Variants in DGKD observed in about 807,000 individuals in gnomAD.
The protein encoded by DGKD is diacylglycerol kinase delta.
In DGKD, 68 loss-of-function variants were observed where a neutral mutation model predicts 154.4. That is an observed-to-expected ratio of 0.44 (90% CI 0.36 to 0.54). The LOEUF is 0.54. Among genes scored for constraint, DGKD ranks in the 20% least tolerant of loss-of-function variants. The pLI, the probability that DGKD is intolerant of heterozygous loss-of-function variation, is 0.00. For synonymous variants in DGKD, 693 were observed against 638.0 expected (o/e 1.09, Z -1.30); for missense variants, 1,343 against 1,593.6 (o/e 0.84, Z 2.68).
At chr2:233,417,476 C>A (rs770349826) in intron 3 of DGKD, among the ~76,000 whole-genome samples, 3 of 152,056 alleles carry the variant, frequency 2.0e-5, no homozygotes, top group Non-Finnish European at 2.9e-5. Flanking sequence ...AGTGGCCTGC[C>A]CCAGCTTACC....
intron 1 of DGKD, among the ~76,000 whole-genome samples, chr2:233,387,400 G>A (rs1217070591): frequency 6.6e-6 from 1 of 152,162 alleles, no homozygotes; most frequent in East Asian, 1.9e-4. Flanking sequence ...AACGCCGAGA[G>A]CCAGGTTCTT....
At chr2:233,381,761 G>A (rs1702916481) in intron 1 of DGKD, among the ~76,000 whole-genome samples, 1 of 152,194 alleles carries the variant, frequency 6.6e-6, no homozygotes, top group Non-Finnish European at 1.5e-5. Context: ...AATTGGAGAG[G>A]CCTGGGATTT....
At chr2:233,362,620 C>A (rs1223405204) in intron 1 of DGKD, among the ~76,000 whole-genome samples, 1 of 152,130 alleles carries the variant, frequency 6.6e-6, no homozygotes, top group Non-Finnish European at 1.5e-5. Flanking sequence ...CATTACACTA[C>A]AGCCTGGGCG....
chr2:233,354,551 TC>T lies in DGKD; in HGVS notation c.38del (p.Pro13ArgfsTer48), dbSNP rs2125362594. On this transcript the variant is annotated frameshift_variant, in exon 1 of 30. Transcript: ENST00000264057. LOFTEE classifies it high-confidence loss of function. The surrounding 1 kb of genome is among the most constrained non-coding windows in gnomAD (Gnocchi z 4.8). The stretch of plus-strand genomic sequence containing the variant: ...CGGCGGCGGGCGCCCCTCCGCCGGG[TC>T]CCCCGCAACCGCCTCCGCCGCCGCC... Reference protein sequence around the residue: ...AAAAGAPPPGPPQPPPPPPPE... With the variant: ...AAAAGAPPPGXPQPPPPPPPE... 2 of 1,015,734 alleles carry T rather than the reference TC, an allele frequency of 2.0e-6. No individual in the cohort carries two copies. Among genetic ancestry groups the T allele is most frequent in the Non-Finnish European group, 2.4e-6 (2 of 850,592 alleles). The allele number at this position is 1,015,734 out of a possible 1,614,324, so 62.9% of individuals were successfully genotyped here.
rs1420089006 is a variant in DGKD, at chr2:233,441,974, C to T, written c.1173C>T (p.Asp391=). 2 of 1,614,124 alleles carry T rather than the reference C, an allele frequency of 1.2e-6. No individual in the cohort carries two copies. Among genetic ancestry groups the T allele is most frequent in the South Asian group, 2.2e-5 (2 of 91,084 alleles). ...GSVGWVLSEI[D]SLNLHKQCQL... ...TTGGCTGGGTCCTCTCCGAAATCGACAGCCTCAACCTTCATAAACAGGTAC... is the reference window on the plus strand; with the variant it reads ...TTGGCTGGGTCCTCTCCGAAATCGATAGCCTCAACCTTCATAAACAGGTAC... Residue 391 remains aspartate (D), a synonymous_variant, in exon 10 of 30, where the codon GAC becomes GAT. Transcript: ENST00000264057. This position sits in a 1 kb window ranked among gnomAD's most constrained non-coding sequence, Gnocchi z 5.6.
At chr2:233,386,135 T>G in intron 1 of DGKD, 1 of 323,052 alleles carries the variant, frequency 3.1e-6, no homozygotes, top group Non-Finnish European at 6.2e-6. Flanking sequence ...ATAACTTTTC[T>G]GGGTTTTGGG....
At chr2:233,429,095 C>T (rs2062418089) in intron 3 of DGKD, 1 of 981,998 alleles carries the variant, frequency 1.0e-6, no homozygotes, top group Non-Finnish European at 1.2e-6. Context: ...AATTCTAGTA[C>T]ACCCTCTCCT....
chr2:233,372,535 T>C (rs893293666), intron 1 of DGKD, among the ~76,000 whole-genome samples: 1 of 152,178 alleles, frequency 6.6e-6, no homozygotes, highest in Non-Finnish European at 1.5e-5. Flanking sequence ...TGCTGAACAT[T>C]TTTGTGTGCT....
intron 1 of DGKD, among the ~76,000 whole-genome samples, chr2:233,387,513 G>A (rs1187660504): frequency 6.6e-6 from 1 of 152,198 alleles, no homozygotes; most frequent in Non-Finnish European, 1.5e-5. Context: ...ATGTTTTGGT[G>A]GCATGGGCTG....
intron 3 of DGKD, among the ~76,000 whole-genome samples, chr2:233,420,243 G>A (rs375009859): frequency 6.6e-5 from 10 of 152,202 alleles, no homozygotes; most frequent in African/African-American, 2.4e-4. Context: ...GTTTCAGGCT[G>A]ACCTGTTAAC....
chr2:233,441,818 G>C lies in DGKD; in HGVS notation c.1086-69G>C. The C allele has an allele frequency of 6.7e-7, 1 of 1,483,242 alleles. No homozygotes were observed. Among genetic ancestry groups the C allele is most frequent in the South Asian group, 1.2e-5 (1 of 80,884 alleles). 91.9% of individuals were successfully genotyped at this position (1,483,242 alleles called of 1,614,324 possible). A position where few individuals can be genotyped will look rare whatever the true frequency, so the allele number is the denominator to read the frequency against. The stretch of plus-strand genomic sequence containing the variant: ...GGAGCACAGGTGGCCCCTCAGCCCC[G>C]TACTGACAAGCCTGTCATTTGTCCT... On this transcript the variant is annotated intron_variant, in intron 9 of 29. Transcript: ENST00000264057. This position sits in a 1 kb window ranked among gnomAD's most constrained non-coding sequence, Gnocchi z 5.6.
Position 233,467,170 on chromosome 2 carries a change from A to G in DGKD, c.3391A>G (p.Asn1131Asp). 6.2e-7 allele frequency: 1 copy of G among 1,614,022 alleles called. No individual in the cohort carries two copies. Among genetic ancestry groups the G allele is most frequent in the Non-Finnish European group, 8.5e-7 (1 of 1,180,004 alleles). Reference protein sequence around the residue: ...TKFKKEKNNKNKEAHSSLGAP... With the variant: ...TKFKKEKNNKDKEAHSSLGAP... The stretch of plus-strand genomic sequence containing the variant: ...GTTTAAAAAGGAGAAAAACAACAAG[A>G]ACAAAGAAGCTCACAGTAGCCTGGG... The change falls in exon 28 of 30, where the codon AAC (asparagine) becomes GAC (aspartate). Residue 1131 changes from asparagine (N) to aspartate (D), a missense_variant. Around this residue, in one of 6 missense-constraint regions of DGKD, gnomAD observed 429 missense variants for 496.3 expected, o/e 0.86. Transcript: ENST00000264057.
chr2:233,419,700 C>T (rs2062054234), intron 3 of DGKD, among the ~76,000 whole-genome samples: 1 of 152,162 alleles, frequency 6.6e-6, no homozygotes, highest in Non-Finnish European at 1.5e-5. Flanking sequence ...TGAATTCCTA[C>T]AGTCTGAGCT....
intron 26 of DGKD, 56 bp from the exon 27 acceptor site, chr2:233,464,107 GC>G (rs2063753227): frequency 6.2e-7 from 1 of 1,609,256 alleles, no homozygotes; most frequent in East Asian, 2.2e-5. Flanking sequence ...CCTGGGCCTC[GC>G]GCTGATCAGC....
intron 3 of DGKD, among the ~76,000 whole-genome samples, chr2:233,416,887 A>G (rs2125532066): frequency 6.6e-6 from 1 of 152,302 alleles, no homozygotes; most frequent in East Asian, 1.9e-4. Flanking sequence ...AAGGTCACTA[A>G]CGCAGGATGC....
intron 3 of DGKD, among the ~76,000 whole-genome samples, chr2:233,411,294 T>A (rs547277518): frequency 6.6e-6 from 1 of 152,332 alleles, no homozygotes; most frequent in East Asian, 1.9e-4. Flanking sequence ...TGATCCAATT[T>A]TATATTCCCA....
chr2:233,366,419 G>A (rs1702032246), intron 1 of DGKD, among the ~76,000 whole-genome samples: 1 of 152,150 alleles, frequency 6.6e-6, no homozygotes. Context: ...AGAACTCAGT[G>A]ATGGTTTGGT....
chr2:233,394,888 T>C (rs1307185038), intron 3 of DGKD, among the ~76,000 whole-genome samples: 1 of 151,596 alleles, frequency 6.6e-6, no homozygotes, highest in Non-Finnish European at 1.5e-5. Context: ...TTATTTTTTG[T>C]AGAGATGGGG....
In DGKD at chr2:233,449,210, T is replaced by C. The variant is rs772357381; in HGVS notation, c.1722T>C (p.Ala574=). The change falls in exon 15 of 30, where the codon GCT becomes GCC. Residue 574 remains alanine (A), a synonymous_variant. Coordinates refer to ENST00000264057, the MANE Select transcript of DGKD (RefSeq NM_152879.3). This position sits in a 1 kb window ranked among gnomAD's most constrained non-coding sequence, Gnocchi z 5.3. ...CGCCCCCCACCATTGCCGAGGAGGC[T>C]GAAGATGGAGATGGGTCGGGCAGCA... ...PNPPPTIAEE[A]EDGDGSGSIC... 64 of 1,613,640 alleles carry C rather than the reference T, an allele frequency of 4.0e-5. No individual in the cohort carries two copies. Among genetic ancestry groups the C allele is most frequent in the African/African-American group, 5.3e-5 (4 of 74,906 alleles).
Sources: gnomAD v4.1 joint callset for allele counts (sites outside exome capture counted in the v4.1 genomes callset) on GRCh38, gnomAD v4.1.1 for gene constraint, gnomAD v4.1.1 regional missense constraint, Gnocchi (gnomAD v3.1) non-coding constraint, MANE v1.5 for transcripts, NCBI Gene and HGNC (gene_info 2026-07-23, HGNC 2026-07-21) for gene names.